CXCR2: variants seen among roughly 807,000 people sequenced by gnomAD.
CXCR2 encodes C-X-C chemokine receptor type 2.
A neutral mutation model predicts 3.7 loss-of-function variants in CXCR2; 2 were observed. That is an observed-to-expected ratio of 0.55 (90% CI 0.22 to 1.72). The LOEUF (loss-of-function observed/expected upper bound fraction) is 1.72. Among genes scored for constraint, CXCR2 ranks in the 40% most tolerant of loss-of-function variants. The pLI is 0.19. For synonymous variants in CXCR2, 203 were observed against 193.3 expected, an observed-to-expected ratio of 1.05 and a Z score of -0.41; for missense variants, 351 against 450.1, an observed-to-expected ratio of 0.78 and a Z score of 1.99.
chr2:218,128,712 G>A (rs955138163), intron 1 of CXCR2, among the ~76,000 whole-genome samples: 1 of 152,156 alleles, frequency 6.6e-6, no homozygotes, highest in African/African-American at 2.4e-5. Flanking sequence ...AATGCCAAGT[G>A]TGCGAAACAA....
chr2:218,130,920 C>A, intron 2 of CXCR2: 1 of 152,788 alleles, frequency 6.5e-6, no homozygotes, highest in Non-Finnish European at 1.5e-5. Context: ...GAACCTGAAG[C>A]TGACCCATAA....
rs941231437 is a variant in CXCR2, at chr2:218,129,360, G to C, written c.-31G>C. 1 of 152,290 alleles carries C rather than the reference G, an allele frequency of 6.6e-6. No individual in the cohort carries two copies. Among genetic ancestry groups the C allele is most frequent in the South Asian group, 2.1e-4 (1 of 4,820 alleles). The allele number at this position is 152,290 out of a possible 1,614,324, so 9.4% of individuals were successfully genotyped here. Reference sequence around the variant, plus strand: ...GTGTCCTACAGGTGAAAAGCCCAGCGACCCAGTAAGTCTTGGAACACCCAC... The same window carrying C: ...GTGTCCTACAGGTGAAAAGCCCAGCCACCCAGTAAGTCTTGGAACACCCAC... On this transcript the variant is annotated 5_prime_UTR_variant, in exon 2 of 3. Transcript: ENST00000318507.
At position 218,135,994 on chromosome 2, in the gene CXCR2, A is replaced by G; in HGVS notation, c.*110A>G. On this transcript the variant is annotated 3_prime_UTR_variant, in exon 3 of 3. Transcript: ENST00000318507. This position sits in a 1 kb window ranked among gnomAD's most constrained non-coding sequence, Gnocchi z 4.0. ...TGGTCTCAGTGTCAATGCAGCCCCCATTGTGGTCACAGGAAGTAGAGGAGG... is the reference window on the plus strand; with the variant it reads ...TGGTCTCAGTGTCAATGCAGCCCCCGTTGTGGTCACAGGAAGTAGAGGAGG... 1 of 1,419,788 alleles carries G rather than the reference A, an allele frequency of 7.0e-7. No individual in the cohort carries two copies. Among genetic ancestry groups the G allele is most frequent in the Non-Finnish European group, 9.5e-7 (1 of 1,049,428 alleles). 87.9% of individuals were successfully genotyped at this position (1,419,788 alleles called of 1,614,324 possible).
chr2:218,130,888 T>G (rs2106102526), intron 2 of CXCR2: 1 of 152,712 alleles, frequency 6.5e-6, no homozygotes, highest in East Asian at 1.9e-4. Context: ...CCTTCTGTCC[T>G]GACTTGCATG....
At chr2:218,126,840 G>GTTTGCTTTGT in intron 1 of CXCR2, among the ~76,000 whole-genome samples, 1 of 146,068 alleles carries the variant, frequency 6.8e-6, no homozygotes, top group African/African-American at 2.6e-5. Flanking sequence ...TTGTTTGTTT[G>GTTTGCTTTGT]TTTTGTTTTT....
At position 218,129,362 on chromosome 2, in the gene CXCR2, C is replaced by T. The variant is rs1038219597; in HGVS notation, c.-29C>T. 6.6e-6 allele frequency: 1 copy of T among 152,374 alleles called. No homozygotes were observed. The highest frequency in any genetic ancestry group is 2.4e-5 in the African/African-American group (1 of 41,450). 9.4% of individuals were successfully genotyped at this position (152,374 alleles called of 1,614,324 possible). A position where few individuals can be genotyped will look rare whatever the true frequency, so the allele number is the denominator to read the frequency against. On this transcript the variant is annotated 5_prime_UTR_variant, in exon 2 of 3. Transcript: ENST00000318507. Reference sequence around the variant, plus strand: ...GTCCTACAGGTGAAAAGCCCAGCGACCCAGTAAGTCTTGGAACACCCACCC... The same window carrying T: ...GTCCTACAGGTGAAAAGCCCAGCGATCCAGTAAGTCTTGGAACACCCACCC...
chr2:218,131,968 T>C (rs1222830268), intron 2 of CXCR2, among the ~76,000 whole-genome samples: 2 of 152,256 alleles, frequency 1.3e-5, no homozygotes, highest in Admixed American at 1.3e-4. Context: ...CTTAATCTTC[T>C]TCAGCTTTCT....
chr2:218,133,226 G>T (rs1375642834), intron 2 of CXCR2, among the ~76,000 whole-genome samples: 1 of 149,712 alleles, frequency 6.7e-6, no homozygotes, highest in Non-Finnish European at 1.5e-5. Context: ...GATCTATTTT[G>T]TGGTTCAGAA....
At position 218,134,761 on chromosome 2, in the gene CXCR2, C is replaced by G. The variant is rs545737080; in HGVS notation, c.-25-16C>G. ...GGGGAATTTATTATGCAGTAACCTTCATCTCTCTTCTATAGGTCAGGATTT... is the reference window on the plus strand; with the variant it reads ...GGGGAATTTATTATGCAGTAACCTTGATCTCTCTTCTATAGGTCAGGATTT... On this transcript the variant is annotated splice_polypyrimidine_tract_variant and intron_variant, in intron 2 of 2. Transcript: ENST00000318507. 13 of 1,579,906 alleles carry G rather than the reference C, an allele frequency of 8.2e-6. No homozygotes were observed. In the East Asian group the frequency reaches 2.9e-4, roughly 36 times the overall value.
At position 218,136,669 on chromosome 2, in the gene CXCR2, G is replaced by T. The variant is rs1433326896; in HGVS notation, c.*785G>T. The T allele has an allele frequency of 2.4e-5, 4 of 166,912 alleles. No individual in the cohort carries two copies. The highest frequency in any genetic ancestry group is 7.2e-5 in the African/African-American group (3 of 41,422). The allele number at this position is 166,912 out of a possible 1,614,324, so 10.3% of individuals were successfully genotyped here. A position where few individuals can be genotyped will look rare whatever the true frequency, so the allele number is the denominator to read the frequency against. On this transcript the variant is annotated 3_prime_UTR_variant, in exon 3 of 3. Transcript: ENST00000318507. ...AGCAGCTTATTCACAAGACCCAAAAGGCAGAAGCAACCCAAATGTTCATCA... is the reference window on the plus strand; with the variant it reads ...AGCAGCTTATTCACAAGACCCAAAATGCAGAAGCAACCCAAATGTTCATCA...
At chr2:218,129,795 T>A (rs1690599644) in intron 2 of CXCR2, among the ~76,000 whole-genome samples, 1 of 152,248 alleles carries the variant, frequency 6.6e-6, no homozygotes, top group Non-Finnish European at 1.5e-5. Flanking sequence ...TTAAAAAGAT[T>A]GCCTTAGATG....
chr2:218,135,294 A>G lies in CXCR2; in HGVS notation c.493A>G (p.Ile165Val). The change falls in exon 3 of 3, where the codon ATA (isoleucine) becomes GTA (valine). Residue 165 changes from isoleucine to valine, a missense_variant. By Grantham distance (29) the Ile-to-Val change is conservative (BLOSUM62 3). Coordinates refer to ENST00000318507, the MANE Select transcript of CXCR2 (RefSeq NM_001557.4). This position sits in a 1 kb window ranked among gnomAD's most constrained non-coding sequence, Gnocchi z 4.0. ...LTQKRYLVKF[I>V]CLSIWGLSLL... is the part of the protein sequence containing the mutation. ...CCAGAAGCGCTACTTGGTCAAATTC[A>G]TATGTCTCAGCATCTGGGGTCTGTC... is the stretch of plus-strand genomic sequence containing the variant. The G allele has an allele frequency of 6.2e-7, 1 of 1,614,114 alleles. No individual in the cohort carries two copies. The highest frequency in any genetic ancestry group is 8.5e-7 in the Non-Finnish European group (1 of 1,180,018).
chr2:218,133,648 C>T (rs1338391678), intron 2 of CXCR2, among the ~76,000 whole-genome samples: 1 of 152,204 alleles, frequency 6.6e-6, no homozygotes, highest in Non-Finnish European at 1.5e-5. Context: ...TTCCCCAGAG[C>T]AGGATCTGTG....
Position 218,135,689 on chromosome 2 carries a change from G to A in CXCR2, c.888G>A (p.Leu296=), listed in dbSNP as rs1211276425. ...CERRNHIDRA[L]DATEILGILH... ...GCCGCAATCACATCGACCGGGCTCT[G>A]GATGCCACCGAGATTCTGGGCATCC... is the stretch of plus-strand genomic sequence containing the variant. The change falls in exon 3 of 3, where the codon CTG becomes CTA. Residue 296 remains leucine, a synonymous_variant. Coordinates refer to ENST00000318507, the MANE Select transcript of CXCR2 (RefSeq NM_001557.4). This position sits in a 1 kb window ranked among gnomAD's most constrained non-coding sequence, Gnocchi z 4.0. 6.2e-7 allele frequency: 1 copy of A among 1,614,044 alleles called. No individual in the cohort carries two copies. Among genetic ancestry groups the A allele is most frequent in the Admixed American group, 1.7e-5 (1 of 60,002 alleles).
In CXCR2 at chr2:218,135,601, A is replaced by G; in HGVS notation, c.800A>G (p.Tyr267Cys). The change falls in exon 3 of 3, where the codon TAC (tyrosine) becomes TGC (cysteine). Residue 267 changes from tyrosine (Y) to cysteine (C), a missense_variant. Transcript: ENST00000318507. This position sits in a 1 kb window ranked among gnomAD's most constrained non-coding sequence, Gnocchi z 4.0. Reference sequence around the variant, plus strand: ...ATCTTCCTGCTCTGCTGGCTGCCCTACAACCTGGTCCTGCTGGCAGACACC... The same window carrying G: ...ATCTTCCTGCTCTGCTGGCTGCCCTGCAACCTGGTCCTGCTGGCAGACACC... The part of the protein sequence containing the change: ...VLIFLLCWLP[Y>C]NLVLLADTLM... 1 of 1,614,056 alleles carries G rather than the reference A, an allele frequency of 6.2e-7. No homozygotes were observed. The highest frequency in any genetic ancestry group is 8.5e-7 in the Non-Finnish European group (1 of 1,180,002).
chr2:218,134,289 T>G (rs1480391587), intron 2 of CXCR2, among the ~76,000 whole-genome samples: 1 of 152,084 alleles, frequency 6.6e-6, no homozygotes, highest in African/African-American at 2.4e-5. Flanking sequence ...TCCCAGCACT[T>G]TGGGAGACAG....
At position 218,136,894 on chromosome 2, in the gene CXCR2, C is replaced by G. The variant is rs1235485858; in HGVS notation, c.*1010C>G. On this transcript the variant is annotated 3_prime_UTR_variant, in exon 3 of 3. Coordinates refer to ENST00000318507, the MANE Select transcript of CXCR2 (RefSeq NM_001557.4). ...GAGGTACTGAGAGTGAACAAATTTA[C>G]AGAGACAGAAAGCAGAACAGTGATT... 1.2e-5 allele frequency: 2 copies of G among 167,122 alleles called. No homozygotes were observed. Among genetic ancestry groups the G allele is most frequent in the Admixed American group, 1.3e-4 (2 of 15,268 alleles). 10.4% of individuals were successfully genotyped at this position (167,122 alleles called of 1,614,324 possible). A position where few individuals can be genotyped will look rare whatever the true frequency, so the allele number is the denominator to read the frequency against.
At chr2:218,132,561 C>A (rs901439287) in intron 2 of CXCR2, among the ~76,000 whole-genome samples, 1 of 152,212 alleles carries the variant, frequency 6.6e-6, no homozygotes, top group Non-Finnish European at 1.5e-5. Flanking sequence ...TAGCCTACTA[C>A]ACACATGGGC....
intron 2 of CXCR2, among the ~76,000 whole-genome samples, chr2:218,131,904 G>A (rs1159099690): frequency 1.3e-5 from 2 of 151,872 alleles, no homozygotes; most frequent in Non-Finnish European, 2.9e-5. Flanking sequence ...GGAAGGTGAT[G>A]GCTAAGAATT....
Sources: allele counts gnomAD v4.1 joint callset (sites outside exome capture counted in the v4.1 genomes callset), GRCh38; gene constraint gnomAD v4.1.1; non-coding constraint Gnocchi (gnomAD v3.1); transcripts MANE v1.5; gene names NCBI Gene and HGNC (gene_info 2026-07-23, HGNC 2026-07-21).